RBFOX3: variants seen among roughly 807,000 people sequenced by gnomAD.
RBFOX3 encodes the protein RNA binding protein fox-1 homolog 3.
Under a neutral mutation model 48.7 loss-of-function variants are expected in RBFOX3, and 17 were observed. The ratio of observed to expected loss-of-function variants is 0.35; its 90% confidence interval spans 0.24 to 0.52. The LOEUF is 0.52. Among genes scored for constraint, RBFOX3 ranks in the 20% least tolerant of loss-of-function variants. The pLI is 0.94. For synonymous variants in RBFOX3, 212 were observed against 209.5 expected (o/e 1.01, Z -0.10); for missense variants, 382 against 497.5 (o/e 0.77, Z 2.21).
chr17:79,607,280 C>T (rs1271907728), intron 1 of RBFOX3, among the ~76,000 whole-genome samples: 1 of 151,982 alleles, frequency 6.6e-6, no homozygotes, highest in Non-Finnish European at 1.5e-5. Context: ...TAAAAAATTC[C>T]TCACCAAATG....
chr17:79,106,916 G>A, intron 5 of RBFOX3, 128 bp from the exon 6 acceptor site: 3 of 1,259,062 alleles, frequency 2.4e-6, no homozygotes, highest in South Asian at 3.3e-5. Flanking sequence ...CCCCATCCCT[G>A]GGCTGGGATC....
chr17:79,255,557 C>G (rs116572087), intron 3 of RBFOX3, among the ~76,000 whole-genome samples: 2 of 152,198 alleles, frequency 1.3e-5, no homozygotes, highest in East Asian at 3.9e-4. Flanking sequence ...AGCCAGAAGC[C>G]GAGGCTAGCA....
At chr17:79,353,628 C>T (rs898577351) in intron 2 of RBFOX3, among the ~76,000 whole-genome samples, 1 of 152,230 alleles carries the variant, frequency 6.6e-6, no homozygotes, top group Admixed American at 6.5e-5. Context: ...GAAATCACTG[C>T]AAGGAAAAGC....
chr17:79,373,944 C>T (rs1362406255), intron 2 of RBFOX3, among the ~76,000 whole-genome samples: 9 of 152,120 alleles, frequency 5.9e-5, no homozygotes, highest in Non-Finnish European at 5.9e-5. Context: ...CTGCAACTTC[C>T]GTCTCCAGGG....
intron 2 of RBFOX3, among the ~76,000 whole-genome samples, chr17:79,440,604 T>G (rs2070687939): frequency 6.6e-6 from 1 of 152,192 alleles, no homozygotes; most frequent in Non-Finnish European, 1.5e-5. Context: ...GACTTCATTT[T>G]TAGCCATGGA....
chr17:79,118,886 A>G (rs1253448834), intron 4 of RBFOX3, among the ~76,000 whole-genome samples: 2 of 151,340 alleles, frequency 1.3e-5, no homozygotes, highest in African/African-American at 4.9e-5. Flanking sequence ...CTGAGGCAGG[A>G]TCATCACTTG....
intron 3 of RBFOX3, chr17:79,298,256 G>A (rs2074724637): frequency 6.6e-6 from 1 of 152,236 alleles, no homozygotes; most frequent in South Asian, 2.1e-4. Context: ...CACTGTGAAG[G>A]CATGGGTGGG....
chr17:79,168,846 C>G (rs1330956849), intron 4 of RBFOX3, among the ~76,000 whole-genome samples: 2 of 145,122 alleles, frequency 1.4e-5, no homozygotes. Flanking sequence ...CGGGTGCGCC[C>G]TCGCCTGGCC....
intron 1 of RBFOX3, among the ~76,000 whole-genome samples, chr17:79,544,966 CATT>C (rs2090201468): frequency 8.6e-6 from 1 of 116,902 alleles, no homozygotes; most frequent in African/African-American, 3.3e-5. Flanking sequence ...CCCACCACAT[CATT>C]AAGGGCAAAA....
At chr17:79,654,781 G>A in the RBFOX3 span, among the ~76,000 whole-genome samples, 1 of 152,148 alleles carries the variant, frequency 6.6e-6, no homozygotes, top group Non-Finnish European at 1.5e-5. Flanking sequence ...TCCACTTTGA[G>A]AGGTGGCCTT....
At chr17:79,202,550 A>G (rs968045970) in intron 4 of RBFOX3, among the ~76,000 whole-genome samples, 1 of 152,240 alleles carries the variant, frequency 6.6e-6, no homozygotes, top group African/African-American at 2.4e-5. Flanking sequence ...TGGGACGGTT[A>G]TGACTATGTC....
chr17:79,120,831 C>T (rs1489493796), intron 4 of RBFOX3, among the ~76,000 whole-genome samples: 1 of 152,028 alleles, frequency 6.6e-6, no homozygotes, highest in African/African-American at 2.4e-5. Context: ...CCTCTACAAA[C>T]TTGCCCCCCT....
chr17:79,356,372 T>TTTGTTTTTG (rs2085089605), intron 2 of RBFOX3, among the ~76,000 whole-genome samples: 18 of 73,940 alleles, frequency 2.4e-4, no homozygotes, highest in Admixed American at 5.9e-4. Context: ...TTTTTTTTTT[T>TTTGTTTTTG]TTTTTTTTTT....
At chr17:79,168,486 C>T (rs2048472975) in intron 4 of RBFOX3, among the ~76,000 whole-genome samples, 1 of 152,256 alleles carries the variant, frequency 6.6e-6, no homozygotes, top group African/African-American at 2.4e-5. Context: ...AGGCCCGTGC[C>T]CAAGGGGGTT....
At position 79,199,408 on chromosome 17, in the gene RBFOX3, G is replaced by A. The variant is rs955721968; in HGVS notation, c.-34+36358C>T. Reference sequence around the variant, plus strand: ...AGGAGCCTCCAACCCTCTGCCCACCGCCCTACTGCAGGAGTTGCAGATCTT... The same window carrying A: ...AGGAGCCTCCAACCCTCTGCCCACCACCCTACTGCAGGAGTTGCAGATCTT... On this transcript the variant is annotated intron_variant, in intron 4 of 14. Transcript: ENST00000693108. The surrounding 1 kb of genome is among the most constrained non-coding windows in gnomAD (Gnocchi z 5.1). Among the ~76,000 whole-genome samples, 12 of 152,208 alleles carry A rather than the reference G, an allele frequency of 7.9e-5. No individual in the cohort carries two copies. The highest frequency in any genetic ancestry group is 2.6e-4 in the Admixed American group (4 of 15,294).
chr17:79,165,537 C>G (rs2047819937), intron 4 of RBFOX3, among the ~76,000 whole-genome samples: 1 of 152,180 alleles, frequency 6.6e-6, no homozygotes, highest in Admixed American at 6.5e-5. Context: ...CCCGATTCCT[C>G]CATGCCAGCC....
chr17:79,293,403 C>T (rs1192093934), intron 3 of RBFOX3, among the ~76,000 whole-genome samples: 3 of 117,078 alleles, frequency 2.6e-5, no homozygotes, highest in Non-Finnish European at 5.3e-5. Flanking sequence ...CCTTCCCTCC[C>T]CTCCACCCCT....
At chr17:79,324,929 C>T (rs2079081077) in intron 2 of RBFOX3, among the ~76,000 whole-genome samples, 1 of 152,230 alleles carries the variant, frequency 6.6e-6, no homozygotes, top group African/African-American at 2.4e-5. Flanking sequence ...CTATCCTCTG[C>T]CTGGGATTTT....
intron 3 of RBFOX3, among the ~76,000 whole-genome samples, chr17:79,280,388 G>A (rs2070108983): frequency 6.6e-6 from 1 of 152,206 alleles, no homozygotes; most frequent in Non-Finnish European, 1.5e-5. Context: ...GTCTGTGTGA[G>A]ATGGAGAAGA....
Sources: allele counts gnomAD v4.1 joint callset (sites outside exome capture counted in the v4.1 genomes callset), GRCh38; gene constraint gnomAD v4.1.1; non-coding constraint Gnocchi (gnomAD v3.1); transcripts MANE v1.5; gene names NCBI Gene and HGNC (gene_info 2026-07-23, HGNC 2026-07-21).